The following DNAJB11 variants were observed in gnomAD, a reference collection of about 807,000 sequenced individuals.
DNAJB11 encodes the protein DnaJ heat shock protein family (Hsp40) member B11.
A neutral mutation model predicts 47.2 loss-of-function variants in DNAJB11; 30 were observed. The observed-to-expected ratio is 0.64, with a 90% CI of 0.48 to 0.86. The LOEUF (loss-of-function observed/expected upper bound fraction) is 0.86. Among genes scored for constraint, DNAJB11 ranks in the 40% least tolerant of loss-of-function variants. The pLI is 0.00. For synonymous variants in DNAJB11, 151 were observed against 159.9 expected (o/e 0.94, Z 0.42); for missense variants, 357 against 440.2 (o/e 0.81, Z 1.69).
At chr3:186,571,026 A>AGGGGGGGG in intron 1 of DNAJB11, 61 bp downstream of exon 1, 2 of 221,226 alleles carry the variant, frequency 9.0e-6, no homozygotes, top group Admixed American at 9.6e-5. Context: ...GGGGGGTGGG[A>AGGGGGGGG]GGGGGTGGGG....
At chr3:186,581,813 A>G (rs1329547697) in intron 5 of DNAJB11, among the ~76,000 whole-genome samples, 182 bp from the exon 6 acceptor site, 1 of 152,090 alleles carries the variant, frequency 6.6e-6, no homozygotes, top group Admixed American at 6.6e-5. Flanking sequence ...AATGTATAGT[A>G]GCTTCACCCT....
Position 186,581,386 on chromosome 3 carries a change from C to G in DNAJB11, c.472C>G (p.Pro158Ala). ...CACTTCCTAGGTAGTTAGAAACAAA[C>G]CTGTGGCAAGGCAGGCTCCTGGCAA... ...GNFVEVVRNK[P>A]VARQAPGKRK... is the part of the protein sequence containing the mutation. Residue 158 changes from proline (P) to alanine (A), a missense_variant, in exon 5 of 10, where the codon CCT (proline) becomes GCT (alanine). Transcript: ENST00000265028. 1.2e-6 allele frequency: 2 copies of G among 1,613,742 alleles called. No individual in the cohort carries two copies. The highest frequency in any genetic ancestry group is 1.7e-6 in the Non-Finnish European group (2 of 1,179,912).
At chr3:186,571,457 T>C (rs1715051637) in intron 1 of DNAJB11, among the ~76,000 whole-genome samples, 2 of 152,172 alleles carry the variant, frequency 1.3e-5, no homozygotes, top group Non-Finnish European at 1.5e-5. Flanking sequence ...CGAAGAGCCA[T>C]TCTGGGGCTG....
intron 7 of DNAJB11, 97 bp downstream of exon 7, chr3:186,582,870 C>A: frequency 1.1e-6 from 1 of 871,446 alleles, no homozygotes; most frequent in East Asian, 2.7e-5. Flanking sequence ...TGTTTCTTAC[C>A]CTTATTACCC....
chr3:186,572,331 C>T, intron 2 of DNAJB11, 80 bp downstream of exon 2: 2 of 1,277,774 alleles, frequency 1.6e-6, no homozygotes, highest in Non-Finnish European at 2.1e-6. Flanking sequence ...ACACTCCTTT[C>T]AGCTCACATT....
chr3:186,584,575 A>G lies in DNAJB11; in HGVS notation c.998A>G (p.Glu333Gly). The G allele has an allele frequency of 6.4e-7, 1 of 1,569,586 alleles. No individual in the cohort carries two copies. The highest frequency in any genetic ancestry group is 8.6e-7 in the Non-Finnish European group (1 of 1,163,724). The part of the protein sequence containing the change: ...DVDFPKEQLT[E>G]EAREGIKQLL... Reference sequence around the variant, plus strand: ...GATTTTCCAAAAGAACAGTTAACAGAGGAAGCGAGAGAAGGTATGGCATAT... The same window carrying G: ...GATTTTCCAAAAGAACAGTTAACAGGGGAAGCGAGAGAAGGTATGGCATAT... The change falls in exon 9 of 10, where the codon GAG (glutamate) becomes GGG (glycine). Residue 333 changes from glutamate (E) to glycine (G), a missense_variant. Glu to Gly is a moderately conservative substitution (Grantham distance 98, BLOSUM62 -2). Transcript: ENST00000265028.
At chr3:186,580,575 A>T (rs1261005546) in intron 4 of DNAJB11, 1 of 152,230 alleles carries the variant, frequency 6.6e-6, no homozygotes, top group Non-Finnish European at 1.5e-5. Flanking sequence ...CTTGGCATGT[A>T]GTAAGTGCTA....
chr3:186,577,517 A>G (rs1218777021), intron 3 of DNAJB11, 151 bp from the exon 4 acceptor site: 1 of 668,098 alleles, frequency 1.5e-6, no homozygotes, highest in East Asian at 3.0e-5. Flanking sequence ...TATGTATGAT[A>G]GTTGACTCCA....
rs141523516 is a variant in DNAJB11 at position 186,583,738 on chromosome 3, C to T, written c.741-127C>T. 1.2e-4 allele frequency: 85 copies of T among 688,298 alleles called. No individual in the cohort carries two copies. In the African/African-American group the frequency reaches 1.3e-3, roughly 11 times the overall value. 42.6% of individuals were successfully genotyped at this position (688,298 alleles called of 1,614,324 possible). On this transcript the variant is annotated intron_variant, in intron 7 of 9. Coordinates refer to ENST00000265028, the MANE Select transcript of DNAJB11 (RefSeq NM_016306.6). ...CTTTATATTCTCGATTAATACTACA[C>T]ACAAAAGTATGTCTAAGAAATGTTT...
At chr3:186,580,400 T>C (rs534848585) in intron 4 of DNAJB11, 1 of 152,328 alleles carries the variant, frequency 6.6e-6, no homozygotes, top group South Asian at 2.1e-4. Flanking sequence ...CTAGACTGCC[T>C]AGTTTAGAAT....
chr3:186,584,623 T>TTGTGTGTGTGTA, intron 9 of DNAJB11, 34 bp downstream of exon 9: 1 of 362,652 alleles, frequency 2.8e-6, no homozygotes, highest in Non-Finnish European at 3.7e-6. Context: ...GTGTGTGTGT[T>TTGTGTGTGTGTA]TGTGTGTGTG....
At chr3:186,575,366 C>CGT (rs1372975374) in intron 2 of DNAJB11, among the ~76,000 whole-genome samples, 35 of 101,202 alleles carry the variant, frequency 3.5e-4, no homozygotes, top group African/African-American at 1.1e-3. Flanking sequence ...CGCGCGCGCG[C>CGT]GCGTGTGTGT....
chr3:186,575,360 C>T (rs1010709780), intron 2 of DNAJB11, among the ~76,000 whole-genome samples: 18 of 79,586 alleles, frequency 2.3e-4, no homozygotes, highest in African/African-American at 9.3e-4. Flanking sequence ...TACATGCGCG[C>T]GCGCGCGCGT....
At chr3:186,577,216 C>T (rs147052026) in intron 3 of DNAJB11, among the ~76,000 whole-genome samples, 27 of 152,276 alleles carry the variant, frequency 1.8e-4, no homozygotes, top group Middle Eastern at 3.4e-3. Flanking sequence ...GTAAAGAGAA[C>T]ACTACATATG....
intron 7 of DNAJB11, 31 bp downstream of exon 7, chr3:186,582,804 G>A (rs1041543871): frequency 2.6e-5 from 40 of 1,513,550 alleles, no homozygotes; most frequent in Admixed American, 7.7e-5. Context: ...GGTCTTCTCA[G>A]ATGAGTCAAA....
At chr3:186,583,668 T>G (rs1357138782) in intron 7 of DNAJB11, among the ~76,000 whole-genome samples, 197 bp from the exon 8 acceptor site, 1 of 152,262 alleles carries the variant, frequency 6.6e-6, no homozygotes, top group Non-Finnish European at 1.5e-5. Flanking sequence ...TGGCTTTTGC[T>G]GATTGTGTGT....
Position 186,584,453 on chromosome 3 carries a change from C to A in DNAJB11, c.876C>A (p.Ile292=). ...AGGTACATATTTCCCGGGATAAGATCACCAGGCCAGGAGCGAAGCTATGGA... is the reference window on the plus strand; with the variant it reads ...AGGTACATATTTCCCGGGATAAGATAACCAGGCCAGGAGCGAAGCTATGGA... ...GHKVHISRDK[I]TRPGAKLWKK... is the part of the protein sequence containing the mutation. Residue 292 remains isoleucine, a synonymous_variant, in exon 9 of 10, where the codon ATC becomes ATA. Coordinates refer to ENST00000265028, the MANE Select transcript of DNAJB11 (RefSeq NM_016306.6). The A allele has an allele frequency of 6.4e-7, 1 of 1,565,088 alleles. No homozygotes were observed. The highest frequency in any genetic ancestry group is 8.6e-7 in the Non-Finnish European group (1 of 1,163,306).
At chr3:186,585,036 G>C (rs1237120401) in intron 9 of DNAJB11, among the ~76,000 whole-genome samples, 1 of 152,176 alleles carries the variant, frequency 6.6e-6, no homozygotes, top group African/African-American at 2.4e-5. Flanking sequence ...GGATACAGAA[G>C]AAGGAATGGA....
chr3:186,573,796 T>C (rs1368842233), intron 2 of DNAJB11, among the ~76,000 whole-genome samples: 1 of 152,226 alleles, frequency 6.6e-6, no homozygotes, highest in Admixed American at 6.5e-5. Flanking sequence ...CATTCTATAT[T>C]TTGCACTGTA....
Sources: allele counts gnomAD v4.1 joint callset (sites outside exome capture counted in the v4.1 genomes callset), GRCh38; gene constraint gnomAD v4.1.1; transcripts MANE v1.5; gene names NCBI Gene and HGNC (gene_info 2026-07-23, HGNC 2026-07-21).